THSD7B: variants seen among roughly 807,000 people sequenced by gnomAD.
THSD7B encodes the protein thrombospondin type 1 domain containing 7B, also known as thrombospondin type-1 domain-containing protein 7B.
THSD7B carries 138 observed loss-of-function variants against 213.6 expected under a neutral mutation model. That is an observed-to-expected ratio of 0.65 (90% CI 0.56 to 0.74). The LOEUF is 0.74. Ranked by LOEUF, THSD7B falls within the 30% of genes least tolerant of loss-of-function variation. The pLI, the probability that THSD7B is intolerant of heterozygous loss-of-function variation, is 0.00. For missense variants in THSD7B, 1,931 were observed against 1,991.5 expected (o/e 0.97, Z 0.58); for synonymous variants, 742 against 687.0 (o/e 1.08, Z -1.25).
intron 12 of THSD7B, among the ~76,000 whole-genome samples, chr2:137,395,522 C>G (rs1279348070): frequency 6.6e-6 from 1 of 151,610 alleles, no homozygotes; most frequent in African/African-American, 2.4e-5. Context: ...CCCACTTGAT[C>G]ATGGTGGATA....
At position 137,343,090 on chromosome 2, in the gene THSD7B, TG is replaced by T. The variant is rs1214119076; in HGVS notation, c.2501-62522del. ...CCTTCTGTTTTTTTTTTTTGTTTTTTGTTTTTTGCATGAGTTTGATTTTTTT... is the reference window on the plus strand; with the variant it reads ...CCTTCTGTTTTTTTTTTTTGTTTTTTTTTTTTGCATGAGTTTGATTTTTTT... On this transcript the variant is annotated intron_variant, in intron 12 of 27. Transcript: ENST00000409968. 8.6e-5 allele frequency among the ~76,000 whole-genome samples: 13 copies of T among 151,844 alleles called. No homozygotes were observed. In the South Asian group the frequency reaches 1.5e-3, roughly 17 times the overall value.
intron 2 of THSD7B, among the ~76,000 whole-genome samples, chr2:136,886,227 A>G (rs555213781): frequency 7.2e-5 from 11 of 152,222 alleles, no homozygotes; most frequent in African/African-American, 2.6e-4. Flanking sequence ...TCTATGTGAG[A>G]TAGAAAGACA....
At chr2:136,869,341 C>A (rs1683393133) in intron 1 of THSD7B, among the ~76,000 whole-genome samples, 1 of 152,168 alleles carries the variant, frequency 6.6e-6, no homozygotes, top group Non-Finnish European at 1.5e-5. Flanking sequence ...TTTCCCTGTG[C>A]AAAACTTAAT....
In THSD7B at chr2:137,057,100, A is replaced by G. The variant is rs1183740409; in HGVS notation, c.820A>G (p.Asn274Asp). 1.2e-6 allele frequency: 2 copies of G among 1,613,876 alleles called. No individual in the cohort carries two copies. The highest frequency in any genetic ancestry group is 1.7e-6 in the Non-Finnish European group (2 of 1,179,896). ...RTVLDFNSDS[N>D]ERVTFKHQSY... ...TGTTCTGGATTTTAACTCTGATTCAAATGAGCGAGTCACCTTTAAACATCA... is the reference window on the plus strand; with the variant it reads ...TGTTCTGGATTTTAACTCTGATTCAGATGAGCGAGTCACCTTTAAACATCA... Residue 274 changes from asparagine to aspartate, a missense_variant, in exon 3 of 28, where the codon AAT becomes GAT. Physicochemically the swap from Asn to Asp is conservative, Grantham distance 23. Transcript: ENST00000409968.
At chr2:136,829,535 C>T (rs1682715403) in intron 1 of THSD7B, among the ~76,000 whole-genome samples, 1 of 152,070 alleles carries the variant, frequency 6.6e-6, no homozygotes, top group East Asian at 1.9e-4. Context: ...GTAAATTGTA[C>T]CAGGCTGAGT....
chr2:136,826,947 A>G (rs1682654959), intron 1 of THSD7B, among the ~76,000 whole-genome samples: 1 of 152,196 alleles, frequency 6.6e-6, no homozygotes, highest in Non-Finnish European at 1.5e-5. Flanking sequence ...TTACATCTCC[A>G]TCTCTTTGAG....
chr2:137,172,124 T>A (rs780796740), intron 7 of THSD7B, among the ~76,000 whole-genome samples: 4 of 152,206 alleles, frequency 2.6e-5, no homozygotes, highest in Non-Finnish European at 5.9e-5. Context: ...TTGGTCTTCG[T>A]CCCTGGCTCC....
intron 21 of THSD7B, among the ~76,000 whole-genome samples, chr2:137,652,249 C>T (rs62168464): frequency 0.087 from 13,203 of 151,960 alleles, 653 homozygotes; most frequent in Middle Eastern, 0.15. Context: ...AGTGTTGGGT[C>T]TATCAACAAT....
At chr2:137,209,151 A>T (rs767267849) in intron 7 of THSD7B, among the ~76,000 whole-genome samples, 1 of 152,052 alleles carries the variant, frequency 6.6e-6, no homozygotes, top group Non-Finnish European at 1.5e-5. Flanking sequence ...TAGAAGCAAG[A>T]TGGAGTCTAC....
At chr2:137,050,752 T>C (rs1687056697) in intron 2 of THSD7B, among the ~76,000 whole-genome samples, 1 of 152,214 alleles carries the variant, frequency 6.6e-6, no homozygotes, top group Non-Finnish European at 1.5e-5. Flanking sequence ...TTTTATTTTT[T>C]TAATGATTTT....
chr2:137,547,720 C>T (rs1680768892), intron 15 of THSD7B, among the ~76,000 whole-genome samples: 1 of 151,834 alleles, frequency 6.6e-6, no homozygotes. Context: ...AGAATAAAGG[C>T]TGTTTTTGAT....
rs192839500 is a variant in THSD7B, at chr2:136,990,857, T to A, written c.140-65563T>A. ...ACTGAGCATTTTCACAAATTAAAAT[T>A]CCCTTTAAGAAGTAAAATATTCAGA... On this transcript the variant is annotated intron_variant, in intron 2 of 27. Coordinates refer to ENST00000409968, the MANE Select transcript of THSD7B (RefSeq NM_001316349.2). 1.9e-4 allele frequency: 257 copies of A among 1,323,690 alleles called. 1 individual carries two copies. The African/African-American group carries it at 3.5e-3, about 18-fold the overall frequency. 82.0% of individuals were successfully genotyped at this position (1,323,690 alleles called of 1,614,324 possible).
intron 10 of THSD7B, 133 bp downstream of exon 10, chr2:137,242,705 G>A: frequency 3.2e-6 from 2 of 625,296 alleles, no homozygotes; most frequent in Non-Finnish European, 5.6e-6. Flanking sequence ...AAACAAGTTT[G>A]GTAAAGTTTG....
chr2:137,329,465 A>G (rs1333348546), intron 12 of THSD7B, among the ~76,000 whole-genome samples: 2 of 152,118 alleles, frequency 1.3e-5, no homozygotes, highest in African/African-American at 4.8e-5. Flanking sequence ...TCCAGGGTTC[A>G]AGCAATTCTC....
intron 2 of THSD7B, among the ~76,000 whole-genome samples, chr2:137,006,148 C>T (rs1686104022): frequency 2.0e-5 from 3 of 152,078 alleles, no homozygotes; most frequent in Admixed American, 1.3e-4. Context: ...AATCCCAGCA[C>T]TTTGGGAGGC....
At chr2:136,900,675 A>G (rs1200399900) in intron 2 of THSD7B, among the ~76,000 whole-genome samples, 1 of 152,226 alleles carries the variant, frequency 6.6e-6, no homozygotes, top group South Asian at 2.1e-4. Context: ...ATGTCTTTAC[A>G]TACCACTCAC....
At chr2:137,080,586 G>A (rs753481646) in intron 3 of THSD7B, among the ~76,000 whole-genome samples, 2 of 151,816 alleles carry the variant, frequency 1.3e-5, no homozygotes, top group Non-Finnish European at 2.9e-5. Context: ...TTTGTGTAGT[G>A]CCCTTAATTT....
At chr2:137,006,236 T>A (rs1315343868) in intron 2 of THSD7B, among the ~76,000 whole-genome samples, 2 of 151,842 alleles carry the variant, frequency 1.3e-5, no homozygotes, top group Non-Finnish European at 2.9e-5. Flanking sequence ...TACTAAAAAA[T>A]ACAAAAAAAT....
chr2:137,425,993 A>G (rs761997646), intron 14 of THSD7B, among the ~76,000 whole-genome samples: 1 of 152,218 alleles, frequency 6.6e-6, no homozygotes, highest in Non-Finnish European at 1.5e-5. Context: ...TTTGCAGGAA[A>G]CAAAATCAAC....
Sources: gnomAD v4.1 joint callset for allele counts (sites outside exome capture counted in the v4.1 genomes callset) on GRCh38, gnomAD v4.1.1 for gene constraint, MANE v1.5 for transcripts, NCBI Gene and HGNC (gene_info 2026-07-23, HGNC 2026-07-21) for gene names.